The following PGM5 variants were observed in gnomAD, a reference collection of about 807,000 sequenced individuals.
PGM5 encodes the protein phosphoglucomutase-like protein 5.
A neutral mutation model predicts 59.2 loss-of-function variants in PGM5; 23 were observed. The ratio of observed to expected loss-of-function variants is 0.39; its 90% confidence interval spans 0.28 to 0.55. PGM5 has a LOEUF of 0.55. Ranked by LOEUF, PGM5 falls within the 20% of genes least tolerant of loss-of-function variation. PGM5 has a pLI of 0.66. For missense variants in PGM5, 574 were observed against 748.3 expected (o/e 0.77, Z 2.72); for synonymous variants, 214 against 286.0 (o/e 0.75, Z 2.54).
At chr9:68,398,486 T>A (rs1456411870) in intron 6 of PGM5, 1 of 152,206 alleles carries the variant, frequency 6.6e-6, no homozygotes, top group African/African-American at 2.4e-5. Context: ...CCCCTAGGAC[T>A]AAGAAGGGTC....
chr9:68,407,550 C>T (rs1448712800), intron 6 of PGM5, among the ~76,000 whole-genome samples: 1 of 152,088 alleles, frequency 6.6e-6, no homozygotes, highest in Non-Finnish European at 1.5e-5. Flanking sequence ...AGTCCCATCT[C>T]TTTAGAAAAA....
At chr9:68,385,776 C>T (rs1412476767) in intron 3 of PGM5, among the ~76,000 whole-genome samples, 5 of 152,054 alleles carry the variant, frequency 3.3e-5, no homozygotes, top group African/African-American at 4.8e-5. Flanking sequence ...CCCGAATCTT[C>T]GTGGGCTCTC....
intron 6 of PGM5, among the ~76,000 whole-genome samples, chr9:68,448,766 T>C (rs182059130): frequency 3.9e-5 from 6 of 152,326 alleles, no homozygotes; most frequent in African/African-American, 1.4e-4. Flanking sequence ...ACACAGCCCT[T>C]GTCCTCCTGA....
chr9:68,447,256 T>A (rs1823626346), intron 6 of PGM5, among the ~76,000 whole-genome samples: 1 of 152,204 alleles, frequency 6.6e-6, no homozygotes. Context: ...CTTCTGACTT[T>A]TAGTGAAAAT....
At chr9:68,392,555 C>G in intron 6 of PGM5, 82 bp downstream of exon 6, 1 of 1,569,174 alleles carries the variant, frequency 6.4e-7, no homozygotes. Context: ...GGCGCTTATT[C>G]TCCCCTGCTC....
intron 1 of PGM5, among the ~76,000 whole-genome samples, chr9:68,359,519 G>A (rs1272800123): frequency 6.6e-6 from 1 of 152,186 alleles, no homozygotes; most frequent in African/African-American, 2.4e-5. Flanking sequence ...ATAGCCATAA[G>A]GCTGGCTTCA....
At chr9:68,461,647 G>A (rs1366960233) in intron 6 of PGM5, among the ~76,000 whole-genome samples, 1 of 152,094 alleles carries the variant, frequency 6.6e-6, no homozygotes, top group African/African-American at 2.4e-5. Context: ...AGCTTTTCCT[G>A]CTGCCTTTGC....
intron 4 of PGM5, among the ~76,000 whole-genome samples, chr9:68,390,007 T>C (rs1300468940): frequency 6.6e-6 from 1 of 152,118 alleles, no homozygotes; most frequent in Non-Finnish European, 1.5e-5. Context: ...TGTATAATTT[T>C]TGTTTCCTCC....
intron 1 of PGM5, among the ~76,000 whole-genome samples, chr9:68,373,423 G>A (rs531980109): frequency 6.6e-6 from 1 of 152,212 alleles, no homozygotes; most frequent in South Asian, 2.1e-4. Flanking sequence ...TTATTCAAGT[G>A]TAATTACTCA....
At chr9:68,410,549 G>GGAT (rs1168141754) in intron 6 of PGM5, among the ~76,000 whole-genome samples, 12 of 152,132 alleles carry the variant, frequency 7.9e-5, no homozygotes, top group East Asian at 1.9e-4. Context: ...ATGGTGATGA[G>GGAT]GATGATGATG....
intron 6 of PGM5, among the ~76,000 whole-genome samples, chr9:68,434,998 C>G (rs1460846876): frequency 1.3e-5 from 2 of 152,150 alleles, no homozygotes; most frequent in African/African-American, 4.8e-5. Flanking sequence ...TGGCCATTCT[C>G]CTGATAAGTC....
intron 1 of PGM5, among the ~76,000 whole-genome samples, chr9:68,375,026 G>A (rs1238100413): frequency 2.0e-5 from 3 of 152,144 alleles, no homozygotes; most frequent in Non-Finnish European, 4.4e-5. Flanking sequence ...GGGGGCTGGA[G>A]GATCCACTGT....
chr9:68,374,280 A>G (rs1308274234), intron 1 of PGM5, among the ~76,000 whole-genome samples: 4 of 152,388 alleles, frequency 2.6e-5, no homozygotes, highest in African/African-American at 4.8e-5. Context: ...ATTCAGTTCT[A>G]TATCAGAAGG....
chr9:68,451,184 T>A (rs1049082525), intron 6 of PGM5, among the ~76,000 whole-genome samples: 1 of 152,190 alleles, frequency 6.6e-6, no homozygotes, highest in African/African-American at 2.4e-5. Flanking sequence ...TTGATATTCA[T>A]GAACCCACTT....
intron 10 of PGM5, among the ~76,000 whole-genome samples, chr9:68,511,534 ATTG>A (rs1225841925): frequency 7.9e-5 from 4 of 50,426 alleles, no homozygotes; most frequent in Non-Finnish European, 1.9e-4. Context: ...CACTAATGTT[ATTG>A]TTTTTGCCTT....
chr9:68,357,523 C>G, intron 1 of PGM5, 135 bp downstream of exon 1: 1 of 1,482,364 alleles, frequency 6.7e-7, no homozygotes, highest in East Asian at 2.5e-5. Context: ...CTCCCGCGTC[C>G]TCACCCTCCA....
intron 6 of PGM5, among the ~76,000 whole-genome samples, chr9:68,421,568 T>C (rs1356176186): frequency 1.3e-5 from 2 of 151,752 alleles, no homozygotes; most frequent in Non-Finnish European, 2.9e-5. Flanking sequence ...AATACAAAAA[T>C]TAGTCAGGCA....
intron 2 of PGM5, among the ~76,000 whole-genome samples, chr9:68,379,318 A>G (rs1481832879): frequency 3.3e-5 from 5 of 152,324 alleles, no homozygotes; most frequent in African/African-American, 1.2e-4. Context: ...GCCAAATTTT[A>G]ACCAGCAACA....
At chr9:68,420,880 A>G (rs1358067435) in intron 6 of PGM5, among the ~76,000 whole-genome samples, 4 of 152,226 alleles carry the variant, frequency 2.6e-5, no homozygotes, top group African/African-American at 7.2e-5. Flanking sequence ...GGTGGTTATG[A>G]AAGCTAAAAT....
Sources: allele counts gnomAD v4.1 joint callset (sites outside exome capture counted in the v4.1 genomes callset), GRCh38; gene constraint gnomAD v4.1.1; transcripts MANE v1.5; gene names NCBI Gene and HGNC (gene_info 2026-07-23, HGNC 2026-07-21).